The following NRXN3 variants were observed in gnomAD, a reference collection of about 807,000 sequenced individuals.
NRXN3 encodes neurexin III.
NRXN3 carries 32 observed loss-of-function variants against 137.6 expected under a neutral mutation model. That is an observed-to-expected ratio of 0.23 (90% confidence interval 0.18 to 0.31). The LOEUF (loss-of-function observed/expected upper bound fraction) is 0.31, where lower values mean the gene tolerates loss of function less well. NRXN3 is among the 10% of genes least tolerant of loss of function. The pLI, the probability that NRXN3 is intolerant of heterozygous loss-of-function variation, is 1.00. For synonymous variants in NRXN3, 798 were observed against 784.5 expected, an observed-to-expected ratio of 1.02 and a Z score of -0.29; for missense variants, 1,574 against 2,062.5, an observed-to-expected ratio of 0.76 and a Z score of 4.59.
rs926234669 is a variant in NRXN3, at chr14:79,064,827, A to G, written c.3262+76686A>G. Among the ~76,000 whole-genome samples, 31 of 129,974 alleles carry G rather than the reference A, an allele frequency of 2.4e-4. 1 individual carries two copies. The highest frequency in any genetic ancestry group is 4.4e-3 in the Middle Eastern group (1 of 228). 85.3% of individuals were successfully genotyped at this position (129,974 alleles called of 152,430 possible). On this transcript the variant is annotated intron_variant, in intron 15 of 20. Coordinates refer to ENST00000335750, the MANE Select transcript of NRXN3 (RefSeq NM_001330195.2). ...TATGTGTGTGTGTGTGTGTGTGTAT[A>G]TATAATTACCCAGAATTAAACACCT...
At chr14:78,933,474 C>T (rs74431180) in intron 10 of NRXN3, among the ~76,000 whole-genome samples, 7,389 of 152,248 alleles carry the variant, frequency 0.049, 240 homozygotes, top group Middle Eastern at 0.082. Context: ...GCAGGCAATG[C>T]GCTAAACATT....
chr14:79,765,327 A>G (rs2099052308), intron 19 of NRXN3, among the ~76,000 whole-genome samples: 1 of 152,202 alleles, frequency 6.6e-6, no homozygotes, highest in Non-Finnish European at 1.5e-5. Flanking sequence ...CTTGTAGCCT[A>G]TCCAAATCTT....
At chr14:78,865,509 A>G (rs901307848) in intron 10 of NRXN3, among the ~76,000 whole-genome samples, 1 of 152,178 alleles carries the variant, frequency 6.6e-6, no homozygotes. Flanking sequence ...TTTAAACTAG[A>G]ATTCTTAGAG....
intron 10 of NRXN3, among the ~76,000 whole-genome samples, chr14:78,887,798 G>A (rs1037281742): frequency 2.2e-4 from 33 of 152,186 alleles, no homozygotes; most frequent in African/African-American, 7.7e-4. Flanking sequence ...AGGCTCATTG[G>A]AGAAGGAAGT....
intron 16 of NRXN3, among the ~76,000 whole-genome samples, chr14:79,523,471 T>C (rs1378702739): frequency 6.6e-6 from 1 of 151,698 alleles, no homozygotes; most frequent in African/African-American, 2.4e-5. Context: ...AATGTAGTGA[T>C]GGAAAAAAAA....
At chr14:78,528,306 C>T (rs1194793928) in intron 4 of NRXN3, among the ~76,000 whole-genome samples, 1 of 152,180 alleles carries the variant, frequency 6.6e-6, no homozygotes, top group Non-Finnish European at 1.5e-5. Flanking sequence ...GTTGGCAATG[C>T]AACAACTTCC....
chr14:79,287,656 A>C (rs2082498624), intron 15 of NRXN3, among the ~76,000 whole-genome samples: 1 of 152,330 alleles, frequency 6.6e-6, no homozygotes, highest in East Asian at 1.9e-4. Context: ...CAGAACTCTT[A>C]GAATTGACTT....
intron 15 of NRXN3, among the ~76,000 whole-genome samples, chr14:79,102,017 G>A (rs1008785329): frequency 2.6e-5 from 4 of 152,150 alleles, no homozygotes; most frequent in South Asian, 2.1e-4. Flanking sequence ...GATCACTGGC[G>A]ACATCAGAAG....
intron 10 of NRXN3, among the ~76,000 whole-genome samples, chr14:78,932,952 A>AGG (rs1385416806): frequency 2.0e-5 from 3 of 152,200 alleles, no homozygotes; most frequent in African/African-American, 7.2e-5. Context: ...CACACACTGT[A>AGG]GGGATCAAAA....
chr14:78,471,016 A>G (rs186208232), intron 4 of NRXN3, among the ~76,000 whole-genome samples: 1 of 152,234 alleles, frequency 6.6e-6, no homozygotes, highest in Non-Finnish European at 1.5e-5. Flanking sequence ...TGGGTAACCT[A>G]GACTTGTTCT....
chr14:79,517,092 G>GCCCC lies in NRXN3; in HGVS notation c.3444+49698_3444+49701dup, dbSNP rs35613259. On this transcript the variant is annotated intron_variant, in intron 16 of 20. Transcript: ENST00000335750. ...TTGAGAAGTATTACACAAATGTACAGCCCCCCCCCCCTCAACGAATGGGAG... is the reference window on the plus strand; with the variant it reads ...TTGAGAAGTATTACACAAATGTACAGCCCCCCCCCCCCCCCTCAACGAATGGGAG... Among the ~76,000 whole-genome samples, 40 of 124,652 alleles carry GCCCC rather than the reference G, an allele frequency of 3.2e-4. 1 individual carries two copies. The highest frequency in any genetic ancestry group is 1.3e-3 in the East Asian group (5 of 3,762). 81.8% of individuals were successfully genotyped at this position (124,652 alleles called of 152,430 possible).
At chr14:78,381,644 G>T (rs2153631394) in intron 4 of NRXN3, among the ~76,000 whole-genome samples, 1 of 152,266 alleles carries the variant, frequency 6.6e-6, no homozygotes, top group Non-Finnish European at 1.5e-5. Context: ...GTCTATAGGA[G>T]ATTATATTAT....
intron 16 of NRXN3, among the ~76,000 whole-genome samples, chr14:79,509,722 A>T: frequency 6.6e-6 from 1 of 152,044 alleles, no homozygotes; most frequent in East Asian, 1.9e-4. Context: ...TATATAAAAA[A>T]TCACATCATA....
At chr14:78,526,678 C>T (rs187214458) in intron 4 of NRXN3, 10 of 485,578 alleles carry the variant, frequency 2.1e-5, no homozygotes, top group African/African-American at 1.6e-4. Flanking sequence ...ACTTGTGCAC[C>T]GTGCACTAGG....
chr14:79,705,470 T>C (rs1352966070), intron 19 of NRXN3, among the ~76,000 whole-genome samples: 4 of 152,210 alleles, frequency 2.6e-5, no homozygotes, highest in African/African-American at 9.6e-5. Context: ...TTAAAATTGA[T>C]ATTTGACTTT....
At chr14:79,557,159 A>T (rs1884780918) in intron 16 of NRXN3, among the ~76,000 whole-genome samples, 1 of 152,062 alleles carries the variant, frequency 6.6e-6, no homozygotes, top group South Asian at 2.1e-4. Context: ...GTTTTCAAAG[A>T]ATTCTGTCCC....
chr14:79,116,187 T>G (rs2054403449), intron 15 of NRXN3, among the ~76,000 whole-genome samples: 2 of 152,126 alleles, frequency 1.3e-5, no homozygotes, highest in South Asian at 4.1e-4. Context: ...ATTTAAGACC[T>G]GGGTGGAAAG....
At chr14:79,190,950 T>G (rs953011019) in intron 15 of NRXN3, among the ~76,000 whole-genome samples, 53 of 152,224 alleles carry the variant, frequency 3.5e-4, no homozygotes, top group African/African-American at 1.2e-3. Flanking sequence ...CAATTCAGTA[T>G]GAATCAGACG....
intron 15 of NRXN3, among the ~76,000 whole-genome samples, chr14:79,035,860 GAACT>G (rs2099615157): frequency 6.6e-6 from 1 of 152,040 alleles, no homozygotes; most frequent in Non-Finnish European, 1.5e-5. Flanking sequence ...GGGATGGATG[GAACT>G]AACTGTTCCC....
Sources: gnomAD v4.1 joint callset for allele counts (sites outside exome capture counted in the v4.1 genomes callset) on GRCh38, gnomAD v4.1.1 for gene constraint, MANE v1.5 for transcripts, NCBI Gene and HGNC (gene_info 2026-07-23, HGNC 2026-07-21) for gene names.